Variants in DHRSX observed in about 807,000 individuals in gnomAD.
The protein encoded by DHRSX is polyprenol dehydrogenase.
Under a neutral mutation model 34.0 loss-of-function variants are expected in DHRSX, and 31 were observed. The ratio of observed to expected loss-of-function variants is 0.91; its 90% CI spans 0.69 to 1.23. The LOEUF (loss-of-function observed/expected upper bound fraction) is 1.23. Among genes scored for constraint, DHRSX ranks in the 50% most tolerant of loss-of-function variants. The pLI, the probability that DHRSX is intolerant of heterozygous loss-of-function variation, is 0.00. For synonymous variants in DHRSX, 201 were observed against 183.8 expected, an observed-to-expected ratio of 1.09 and a Z score of -0.76; for missense variants, 414 against 428.1, an observed-to-expected ratio of 0.97 and a Z score of 0.29.
chrX:2,370,710 T>C (rs1368017395), intron 3 of DHRSX, among the ~76,000 whole-genome samples: 1 of 152,074 alleles, frequency 6.6e-6, no homozygotes, highest in Non-Finnish European at 1.5e-5. Flanking sequence ...AGGGATGGAC[T>C]GAATTCCTCG....
intron 3 of DHRSX, among the ~76,000 whole-genome samples, chrX:2,362,648 GAGA>G (rs1381513277): frequency 6.6e-6 from 1 of 152,294 alleles, no homozygotes; most frequent in East Asian, 1.9e-4. Flanking sequence ...TTGAACACTG[GAGA>G]AGGATGGATC....
chrX:2,467,580 TATTATA>T (rs2044516123), intron 1 of DHRSX, among the ~76,000 whole-genome samples: 1 of 151,908 alleles, frequency 6.6e-6, no homozygotes, highest in Non-Finnish European at 1.5e-5. Context: ...GAGACAGGAA[TATTATA>T]ACAGGGACAA....
At chrX:2,238,699 T>C (rs1431641818) in intron 6 of DHRSX, among the ~76,000 whole-genome samples, 1 of 151,388 alleles carries the variant, frequency 6.6e-6, no homozygotes, top group Non-Finnish European at 1.5e-5. Context: ...TTCCCCTGCC[T>C]CAGCCTCCCG....
At chrX:2,405,918 A>ACGT (rs112584621) in intron 3 of DHRSX, among the ~76,000 whole-genome samples, 1 of 149,494 alleles carries the variant, frequency 6.7e-6, no homozygotes, top group Non-Finnish European at 1.5e-5. Flanking sequence ...AAAAAAAAAA[A>ACGT]ATAAGGTACC....
intron 5 of DHRSX, among the ~76,000 whole-genome samples, chrX:2,249,451 G>C (rs1433171431): frequency 2.7e-5 from 4 of 145,874 alleles, no homozygotes; most frequent in Non-Finnish European, 6.0e-5. Flanking sequence ...GCCCACCTCG[G>C]CCTCCCAAAG....
At chrX:2,475,404 C>T (rs116803940) in intron 1 of DHRSX, among the ~76,000 whole-genome samples, 29,544 of 148,796 alleles carry the variant, frequency 0.2, 3,829 homozygotes, top group African/African-American at 0.38. Flanking sequence ...GACCAAGGGA[C>T]CGCCACCATG....
chrX:2,488,876 C>T (rs779576731), intron 1 of DHRSX: 13 of 1,612,392 alleles, frequency 8.1e-6, no homozygotes, highest in South Asian at 3.3e-5. Context: ...AGGGGCGACG[C>T]GCGTGGCCGT....
intron 6 of DHRSX, among the ~76,000 whole-genome samples, chrX:2,232,043 CTCTT>C (rs1359597070): frequency 4.3e-5 from 2 of 46,274 alleles, no homozygotes; most frequent in South Asian, 8.1e-4. Flanking sequence ...CCTCCTTTTT[CTCTT>C]TCTATCCCTC....
intron 4 of DHRSX, among the ~76,000 whole-genome samples, chrX:2,267,481 G>A (rs1198713568): frequency 6.6e-6 from 1 of 150,526 alleles, no homozygotes; most frequent in African/African-American, 2.4e-5. Flanking sequence ...GGAGGCGGAG[G>A]TTGCAGTGAG....
chrX:2,320,018 C>T (rs1208492687), intron 3 of DHRSX, among the ~76,000 whole-genome samples: 4 of 151,632 alleles, frequency 2.6e-5, no homozygotes, highest in South Asian at 2.1e-4. Context: ...TTAGTAGAGA[C>T]GGGTTTCACC....
chrX:2,370,312 C>T (rs765159400), intron 3 of DHRSX, among the ~76,000 whole-genome samples: 2 of 152,126 alleles, frequency 1.3e-5, no homozygotes, highest in South Asian at 4.2e-4. Flanking sequence ...GCTGGGATTA[C>T]AGGCACCCGC....
At chrX:2,454,075 G>A (rs764346609) in intron 1 of DHRSX, among the ~76,000 whole-genome samples, 1 of 152,208 alleles carries the variant, frequency 6.6e-6, no homozygotes, top group South Asian at 2.1e-4. Flanking sequence ...CTATAAAAAT[G>A]ACTTGCATTT....
chrX:2,274,113 C>T (rs1210100266), intron 4 of DHRSX, among the ~76,000 whole-genome samples: 2 of 151,684 alleles, frequency 1.3e-5, no homozygotes, highest in Non-Finnish European at 2.9e-5. Flanking sequence ...TGTCGGCTCA[C>T]TGCAACCTCT....
At chrX:2,500,711 G>A in intron 1 of DHRSX, 106 bp downstream of exon 1, 1 of 196,582 alleles carries the variant, frequency 5.1e-6, no homozygotes, top group Non-Finnish European at 8.1e-6. Flanking sequence ...TTCCGGGAGC[G>A]CCACCGCCTC....
chrX:2,391,383 G>A (rs1003532478), intron 3 of DHRSX, among the ~76,000 whole-genome samples: 10 of 152,088 alleles, frequency 6.6e-5, no homozygotes, highest in Admixed American at 1.3e-4. Flanking sequence ...AAGGGATGCC[G>A]GCAACGTTGC....
chrX:2,438,069 T>C (rs960598538), intron 1 of DHRSX, among the ~76,000 whole-genome samples: 5 of 150,230 alleles, frequency 3.3e-5, no homozygotes, highest in African/African-American at 1.2e-4. Context: ...CCCAGCACTT[T>C]GGGAGGCCGA....
intron 1 of DHRSX, among the ~76,000 whole-genome samples, chrX:2,450,929 T>C (rs2044208139): frequency 1.3e-5 from 2 of 151,902 alleles, no homozygotes; most frequent in African/African-American, 4.8e-5. Flanking sequence ...AGTGTCCTTA[T>C]AAAAGGGACC....
chrX:2,453,771 C>T (rs777666962), intron 1 of DHRSX, among the ~76,000 whole-genome samples: 6 of 152,120 alleles, frequency 3.9e-5, no homozygotes, highest in South Asian at 2.1e-4. Context: ...TAATACATCG[C>T]GTCTTTCACA....
chrX:2,401,987 A>C (rs7061181), intron 3 of DHRSX, among the ~76,000 whole-genome samples: 44,987 of 152,078 alleles, frequency 0.3, 7,149 homozygotes, highest in East Asian at 0.52. Flanking sequence ...GGGATCTCAG[A>C]GGAGCACGAC....
Sources: gnomAD v4.1 joint callset for allele counts (sites outside exome capture counted in the v4.1 genomes callset) on GRCh38, gnomAD v4.1.1 for gene constraint, MANE v1.5 for transcripts, NCBI Gene and HGNC (gene_info 2026-07-23, HGNC 2026-07-21) for gene names.